Variants in EIF4G3 observed in about 807,000 individuals in gnomAD.
EIF4G3 encodes the protein eukaryotic translation initiation factor 4 gamma 3.
A neutral mutation model predicts 186.4 loss-of-function variants in EIF4G3; 34 were observed. That is an observed-to-expected ratio of 0.18 (90% CI 0.14 to 0.24). The LOEUF is 0.24. Among genes scored for constraint, EIF4G3 ranks in the 10% least tolerant of loss-of-function variants. The probability of loss-of-function intolerance (pLI) is 1.00; values close to 1 mark genes in which losing one functional copy is unlikely to be tolerated. For missense variants in EIF4G3, 1,536 were observed against 1,948.5 expected (o/e 0.79, Z 3.99); for synonymous variants, 673 against 679.5 (o/e 0.99, Z 0.15).
rs2091621317 is a variant in EIF4G3 at position 20,904,980 on chromosome 1, C to T, written c.1664-9G>A. The T allele has an allele frequency of 6.2e-7, 1 of 1,607,192 alleles. No homozygotes were observed. The highest frequency in any genetic ancestry group is 1.3e-5 in the African/African-American group (1 of 74,764). ...AGTTATAGCTATTTGAGCTGAAATACAAGATCAGGCCCATTACTTGCCACT... is the reference window on the plus strand; with the variant it reads ...AGTTATAGCTATTTGAGCTGAAATATAAGATCAGGCCCATTACTTGCCACT... On this transcript the variant is annotated splice_polypyrimidine_tract_variant and intron_variant, in intron 14 of 36. Transcript: ENST00000602326.
chr1:21,106,202 C>T (rs962281023), intron 2 of EIF4G3, among the ~76,000 whole-genome samples: 5 of 151,166 alleles, frequency 3.3e-5, no homozygotes, highest in South Asian at 2.1e-4. Context: ...TTTTAACAGG[C>T]GACAATGGGA....
intron 2 of EIF4G3, among the ~76,000 whole-genome samples, chr1:21,111,980 G>A (rs1379672443): frequency 6.6e-6 from 1 of 152,090 alleles, no homozygotes; most frequent in African/African-American, 2.4e-5. Context: ...ATTGTCACAG[G>A]CCAAAGATCT....
intron 33 of EIF4G3, among the ~76,000 whole-genome samples, chr1:20,818,882 T>C (rs1276168887): frequency 6.6e-6 from 1 of 152,178 alleles, no homozygotes; most frequent in Non-Finnish European, 1.5e-5. Flanking sequence ...CATCTGATTG[T>C]TCCGTTTCTA....
intron 3 of EIF4G3, among the ~76,000 whole-genome samples, chr1:21,076,793 A>T (rs1366102574): frequency 6.6e-6 from 1 of 152,206 alleles, no homozygotes; most frequent in Non-Finnish European, 1.5e-5. Context: ...AATCAAACCA[A>T]AATGGACTAA....
intron 4 of EIF4G3, among the ~76,000 whole-genome samples, chr1:21,008,142 A>C (rs1405091521): frequency 2.0e-5 from 3 of 152,200 alleles, no homozygotes; most frequent in East Asian, 3.8e-4. Flanking sequence ...ACCTGTCTCA[A>C]ACAAACAAAC....
intron 3 of EIF4G3, among the ~76,000 whole-genome samples, chr1:21,071,307 G>A (rs2100339203): frequency 6.6e-6 from 1 of 152,272 alleles, no homozygotes; most frequent in Non-Finnish European, 1.5e-5. Flanking sequence ...AGCTACTTGG[G>A]AGGCTGAGGC....
At chr1:21,006,076 G>T (rs1029836336) in intron 4 of EIF4G3, among the ~76,000 whole-genome samples, 1 of 152,132 alleles carries the variant, frequency 6.6e-6, no homozygotes, top group Non-Finnish European at 1.5e-5. Flanking sequence ...ATCATTCAAC[G>T]ATCGTTCAGA....
At chr1:21,088,167 C>T (rs980882881) in intron 3 of EIF4G3, among the ~76,000 whole-genome samples, 20 of 152,158 alleles carry the variant, frequency 1.3e-4, no homozygotes, top group African/African-American at 4.8e-4. Flanking sequence ...TGGCTCAGGC[C>T]TGTAATCCCA....
At chr1:21,082,672 T>C (rs1572252895) in intron 3 of EIF4G3, among the ~76,000 whole-genome samples, 1 of 151,584 alleles carries the variant, frequency 6.6e-6, no homozygotes, top group South Asian at 2.1e-4. Context: ...GTGGCTGAGG[T>C]GAGAGGATCA....
At chr1:20,858,874 G>GT (rs2075698799) in intron 24 of EIF4G3, among the ~76,000 whole-genome samples, 1 of 152,142 alleles carries the variant, frequency 6.6e-6, no homozygotes. Context: ...GTGGGCGCCT[G>GT]TAATCCCAGC....
intron 28 of EIF4G3, 27 bp downstream of exon 28, chr1:20,851,231 T>C: frequency 1.2e-6 from 2 of 1,603,828 alleles, no homozygotes; most frequent in Non-Finnish European, 1.7e-6. Flanking sequence ...AACCCAAATC[T>C]GCATCTGTTT....
chr1:21,109,382 T>C (rs1045503018), intron 2 of EIF4G3, among the ~76,000 whole-genome samples: 3 of 152,192 alleles, frequency 2.0e-5, no homozygotes, highest in Non-Finnish European at 4.4e-5. Flanking sequence ...TGGTGGCTCA[T>C]GCCTGTAATC....
At position 20,864,632 on chromosome 1, in the gene EIF4G3, C is replaced by T. The variant is rs1456563556; in HGVS notation, c.2850G>A (p.Lys950=). 19 of 1,614,150 alleles carry T rather than the reference C, an allele frequency of 1.2e-5. No homozygotes were observed. The highest frequency in any genetic ancestry group is 1.6e-5 in the Non-Finnish European group (19 of 1,180,018). The change falls in exon 22 of 37, where the codon AAG becomes AAA. Residue 950 remains lysine, a synonymous_variant. Coordinates refer to ENST00000602326, the MANE Select transcript of EIF4G3 (RefSeq NM_001391906.1). Reference sequence around the variant, plus strand: ...TGAGTTTAAAGAGTTCTCCAATAAACTTGATGTTGCCAATGGATCTCCGCC... The same window carrying T: ...TGAGTTTAAAGAGTTCTCCAATAAATTTGATGTTGCCAATGGATCTCCGCC... ...KARRRSIGNI[K]FIGELFKLKM... is the part of the protein sequence containing the mutation.
At chr1:20,991,792 C>A (rs1006486764) in intron 7 of EIF4G3, among the ~76,000 whole-genome samples, 13 of 152,068 alleles carry the variant, frequency 8.5e-5, no homozygotes, top group African/African-American at 2.9e-4. Context: ...AAATGAGCAT[C>A]CTTATAAAAT....
chr1:20,916,171 T>C (rs1048540493), intron 14 of EIF4G3, among the ~76,000 whole-genome samples: 1 of 151,968 alleles, frequency 6.6e-6, no homozygotes, highest in East Asian at 1.9e-4. Context: ...AACCATTATT[T>C]AGAGAATTAA....
intron 13 of EIF4G3, among the ~76,000 whole-genome samples, chr1:20,943,157 T>C (rs2095789552): frequency 1.3e-5 from 2 of 152,178 alleles, no homozygotes; most frequent in South Asian, 4.1e-4. Flanking sequence ...AACAAGATCC[T>C]GTCTCTAAAC....
chr1:21,119,651 C>T (rs2096892745), intron 2 of EIF4G3, among the ~76,000 whole-genome samples: 1 of 152,106 alleles, frequency 6.6e-6, no homozygotes, highest in Non-Finnish European at 1.5e-5. Flanking sequence ...ATAACCATAA[C>T]CTATAGATCT....
chr1:20,817,313 T>G (rs1057299881), intron 34 of EIF4G3, 79 bp downstream of exon 34: 52 of 839,888 alleles, frequency 6.2e-5, no homozygotes, highest in Non-Finnish European at 5.2e-5. Context: ...TGAAGTGAAC[T>G]GATAGGTAAG....
intron 11 of EIF4G3, 124 bp downstream of exon 11, chr1:20,972,873 TAAGGG>T (rs914590402): frequency 1.5e-5 from 10 of 688,996 alleles, no homozygotes; most frequent in Non-Finnish European, 2.3e-5. Context: ...GGTGTGACTA[TAAGGG>T]AAGAATAAAA....
Sources: gnomAD v4.1 joint callset for allele counts (sites outside exome capture counted in the v4.1 genomes callset) on GRCh38, gnomAD v4.1.1 for gene constraint, MANE v1.5 for transcripts, NCBI Gene and HGNC (gene_info 2026-07-23, HGNC 2026-07-21) for gene names.